Variants in ADAMTSL1 observed in about 807,000 individuals in gnomAD.
ADAMTSL1 encodes the protein ADAMTS like 1.
A neutral mutation model predicts 201.8 loss-of-function variants in ADAMTSL1; 126 were observed. The ratio of observed to expected loss-of-function variants is 0.62; its 90% CI spans 0.54 to 0.72. ADAMTSL1 has a LOEUF of 0.72. Ranked by LOEUF, ADAMTSL1 falls within the 30% of genes least tolerant of loss-of-function variation. ADAMTSL1 has a pLI of 0.00. For missense variants in ADAMTSL1, 2,679 were observed against 2,277.8 expected (o/e 1.18, Z -3.59); for synonymous variants, 1,121 against 903.4 (o/e 1.24, Z -4.32).
intron 2 of ADAMTSL1, among the ~76,000 whole-genome samples, chr9:18,462,850 A>C (rs1820859296): frequency 6.6e-6 from 1 of 152,122 alleles, no homozygotes; most frequent in African/African-American, 2.4e-5. Flanking sequence ...GAGGCAGGAG[A>C]ATCACTTGAA....
intron 1 of ADAMTSL1, among the ~76,000 whole-genome samples, chr9:18,000,960 T>C (rs1819589500): frequency 6.6e-6 from 1 of 151,994 alleles, no homozygotes; most frequent in Non-Finnish European, 1.5e-5. Flanking sequence ...ATCCCATCCC[T>C]AGAGATGAGA....
chr9:18,085,569 A>ATATATACACACTGTGTGTATACG (rs1823722786), intron 1 of ADAMTSL1, among the ~76,000 whole-genome samples: 2 of 147,400 alleles, frequency 1.4e-5, no homozygotes, highest in Admixed American at 6.7e-5. Flanking sequence ...GTGTGTATAC[A>ATATATACACACTGTGTGTATACG]TATATACACA....
At chr9:17,952,917 C>CCCT (rs59567399) in intron 1 of ADAMTSL1, among the ~76,000 whole-genome samples, 7,231 of 145,798 alleles carry the variant, frequency 0.05, 292 homozygotes, top group Middle Eastern at 0.098. Flanking sequence ...TTCCTCCTTT[C>CCCT]CCTCCTCCTC....
chr9:18,718,388 A>G (rs1237148816), intron 14 of ADAMTSL1: 12 of 703,206 alleles, frequency 1.7e-5, no homozygotes, highest in African/African-American at 1.6e-4. Flanking sequence ...ACTGCTGTGC[A>G]TCTACTTCAA....
chr9:18,538,179 G>A (rs1819911870), intron 3 of ADAMTSL1, among the ~76,000 whole-genome samples: 1 of 152,122 alleles, frequency 6.6e-6, no homozygotes, highest in Non-Finnish European at 1.5e-5. Context: ...GTTCAGGTGG[G>A]TGCTAATGGT....
intron 7 of ADAMTSL1, among the ~76,000 whole-genome samples, chr9:18,656,940 A>C (rs942925519): frequency 6.6e-6 from 1 of 152,242 alleles, no homozygotes; most frequent in Non-Finnish European, 1.5e-5. Flanking sequence ...CTTTAAAAAA[A>C]AAAAGAAATT....
At chr9:18,142,236 C>T (rs1017589563) in intron 1 of ADAMTSL1, among the ~76,000 whole-genome samples, 1 of 148,266 alleles carries the variant, frequency 6.7e-6, no homozygotes, top group Non-Finnish European at 1.5e-5. Context: ...TTCCATGCTC[C>T]ACACACAGAG....
chr9:18,224,176 C>G (rs1021169128), intron 2 of ADAMTSL1, among the ~76,000 whole-genome samples: 6 of 152,006 alleles, frequency 3.9e-5, no homozygotes, highest in Admixed American at 1.3e-4. Flanking sequence ...AAGAGAATAC[C>G]ACAAATGGAG....
In ADAMTSL1 at chr9:18,506,583, C is replaced by T. The variant is rs1263457982; in HGVS notation, c.191+1627C>T. Reference sequence around the variant, plus strand: ...TCAGCAAATAATCAAATATTGATGCCATGCGAAATTCAAAAATAAACAATT... The same window carrying T: ...TCAGCAAATAATCAAATATTGATGCTATGCGAAATTCAAAAATAAACAATT... On this transcript the variant is annotated intron_variant, in intron 2 of 28. Transcript: ENST00000380548. Among the ~76,000 whole-genome samples, 3 of 113,842 alleles carry T rather than the reference C, an allele frequency of 2.6e-5. No individual in the cohort carries two copies. The East Asian group carries it at 6.8e-4, about 26-fold the overall frequency. The allele number at this position is 113,842 out of a possible 152,430, so 74.7% of individuals were successfully genotyped here. A position where few individuals can be genotyped will look rare whatever the true frequency, so the allele number is the denominator to read the frequency against.
chr9:18,824,093 C>T (rs1216910581), intron 21 of ADAMTSL1, among the ~76,000 whole-genome samples: 1 of 152,094 alleles, frequency 6.6e-6, no homozygotes, highest in Non-Finnish European at 1.5e-5. Flanking sequence ...TTTGCAGGAA[C>T]TCATTTTTCC....
chr9:18,431,115 C>T (rs377527282), intron 2 of ADAMTSL1, among the ~76,000 whole-genome samples: 26 of 152,286 alleles, frequency 1.7e-4, no homozygotes, highest in Middle Eastern at 6.8e-3. Context: ...ACATGCCACA[C>T]CTGTGCCATC....
At chr9:18,290,294 T>TC (rs1554651059) in intron 2 of ADAMTSL1, among the ~76,000 whole-genome samples, 8 of 151,584 alleles carry the variant, frequency 5.3e-5, no homozygotes, top group Non-Finnish European at 1.0e-4. Context: ...TTTTTTTTTT[T>TC]CTAGTGCTGC....
chr9:18,287,494 G>A (rs1439055198), intron 2 of ADAMTSL1, among the ~76,000 whole-genome samples: 1 of 150,898 alleles, frequency 6.6e-6, no homozygotes, highest in Admixed American at 6.6e-5. Context: ...TGTAATGCAT[G>A]TATTTATATG....
At chr9:18,308,843 G>A (rs138628034) in intron 2 of ADAMTSL1, among the ~76,000 whole-genome samples, 2,610 of 152,146 alleles carry the variant, frequency 0.017, 33 homozygotes, top group Non-Finnish European at 0.027. Context: ...TTATGAGGCC[G>A]GCATCATCCT....
chr9:18,363,224 G>A (rs574853516), intron 2 of ADAMTSL1, among the ~76,000 whole-genome samples: 1 of 152,164 alleles, frequency 6.6e-6, no homozygotes, highest in Non-Finnish European at 1.5e-5. Flanking sequence ...TTGACTGAGG[G>A]ACCCACACCA....
intron 2 of ADAMTSL1, among the ~76,000 whole-genome samples, chr9:18,393,076 G>A (rs1236986244): frequency 6.6e-6 from 1 of 152,160 alleles, no homozygotes; most frequent in South Asian, 2.1e-4. Flanking sequence ...TGTAGAAAGG[G>A]TTTCTGCTTT....
intron 1 of ADAMTSL1, among the ~76,000 whole-genome samples, chr9:18,477,712 A>G (rs776240575): frequency 2.6e-5 from 4 of 152,242 alleles, no homozygotes; most frequent in African/African-American, 7.2e-5. Context: ...TGAAGCATTT[A>G]AAATTTAAAA....
chr9:18,306,938 A>G (rs945719643), intron 2 of ADAMTSL1, among the ~76,000 whole-genome samples: 1 of 152,150 alleles, frequency 6.6e-6, no homozygotes, highest in African/African-American at 2.4e-5. Flanking sequence ...TAAGGGCAGG[A>G]AGAGAGAAAG....
chr9:18,246,285 T>C (rs1474089940), intron 2 of ADAMTSL1, among the ~76,000 whole-genome samples: 1 of 152,180 alleles, frequency 6.6e-6, no homozygotes, highest in Non-Finnish European at 1.5e-5. Context: ...ATTTAATCTT[T>C]CATTCTCTGT....
Sources: gnomAD v4.1 joint callset for allele counts (sites outside exome capture counted in the v4.1 genomes callset) on GRCh38, gnomAD v4.1.1 for gene constraint, MANE v1.5 for transcripts, NCBI Gene and HGNC (gene_info 2026-07-23, HGNC 2026-07-21) for gene names.